Variants in RABGAP1L observed in about 807,000 individuals in gnomAD.
The protein encoded by RABGAP1L is RAB GTPase activating protein 1 like.
Under a neutral mutation model 137.7 loss-of-function variants are expected in RABGAP1L, and 63 were observed. That is an observed-to-expected ratio of 0.46 (90% CI 0.37 to 0.56). The LOEUF (loss-of-function observed/expected upper bound fraction) is 0.56. Ranked by LOEUF, RABGAP1L falls within the 20% of genes least tolerant of loss-of-function variation. The pLI is 0.00. For missense variants in RABGAP1L, 1,095 were observed against 1,244.0 expected (o/e 0.88, Z 1.80); for synonymous variants, 431 against 433.7 (o/e 0.99, Z 0.08).
At chr1:174,474,243 G>C (rs951940560) in intron 13 of RABGAP1L, among the ~76,000 whole-genome samples, 1 of 151,888 alleles carries the variant, frequency 6.6e-6, no homozygotes, top group East Asian at 1.9e-4. Context: ...TCTTAATTTC[G>C]AATGGTTCTC....
At chr1:174,576,946 G>A (rs1472548821) in intron 13 of RABGAP1L, among the ~76,000 whole-genome samples, 1 of 152,092 alleles carries the variant, frequency 6.6e-6, no homozygotes, top group East Asian at 1.9e-4. Context: ...GTTTTAGGAG[G>A]CTGAGGTGGG....
rs1486030705 is a variant in RABGAP1L, at chr1:174,634,924, C to A, written c.1711-2451C>A. Reference sequence around the variant, plus strand: ...GGGAGGGATAGCATTGGGAGATATACCTAATGCTAGATGACGAGTTAGTGG... The same window carrying A: ...GGGAGGGATAGCATTGGGAGATATAACTAATGCTAGATGACGAGTTAGTGG... On this transcript the variant is annotated intron_variant, in intron 13 of 25. Coordinates refer to ENST00000681986, the MANE Select transcript of RABGAP1L (RefSeq NM_001366446.1). Among the ~76,000 whole-genome samples, 9 of 144,328 alleles carry A rather than the reference C, an allele frequency of 6.2e-5. No individual in the cohort carries two copies. The East Asian group carries it at 1.8e-3, about 30-fold the overall frequency. The allele number at this position is 144,328 out of a possible 152,430, so 94.7% of individuals were successfully genotyped here. A position where few individuals can be genotyped will look rare whatever the true frequency, so the allele number is the denominator to read the frequency against.
intron 7 of RABGAP1L, among the ~76,000 whole-genome samples, chr1:174,261,185 G>T (rs534326519): frequency 6.6e-6 from 1 of 152,098 alleles, no homozygotes; most frequent in East Asian, 1.9e-4. Context: ...GATTAGAGTT[G>T]TTATAAGCAC....
rs539874012 is a variant in RABGAP1L, at chr1:174,612,820, C to T, written c.1711-24555C>T. ...GTGTCAAGGAATGTATCCATTTCTT[C>T]TAGATTTTCTAGTTTATTTGCGTAG... On this transcript the variant is annotated intron_variant, in intron 13 of 25. Transcript: ENST00000681986. Among the ~76,000 whole-genome samples the T allele has an allele frequency of 4.6e-5, 7 of 152,302 alleles. No individual in the cohort carries two copies. The South Asian group carries it at 1.5e-3, about 32-fold the overall frequency.
At chr1:174,378,677 T>C (rs1351537102) in intron 12 of RABGAP1L, among the ~76,000 whole-genome samples, 1 of 152,286 alleles carries the variant, frequency 6.6e-6, no homozygotes, top group Non-Finnish European at 1.5e-5. Context: ...TTGTAGATTC[T>C]GGATATCAGT....
chr1:174,630,806 G>A (rs1288411830), intron 13 of RABGAP1L, among the ~76,000 whole-genome samples: 76 of 142,220 alleles, frequency 5.3e-4, no homozygotes, highest in African/African-American at 1.9e-3. Context: ...AGTCTTGCTA[G>A]TGGTCTATCA....
intron 12 of RABGAP1L, among the ~76,000 whole-genome samples, chr1:174,388,668 G>T (rs753371715): frequency 6.6e-6 from 1 of 152,012 alleles, no homozygotes; most frequent in Non-Finnish European, 1.5e-5. Flanking sequence ...ACTGCTTCAG[G>T]TTTTGAGATG....
At chr1:174,514,564 A>G (rs1281830272) in intron 13 of RABGAP1L, among the ~76,000 whole-genome samples, 1 of 152,162 alleles carries the variant, frequency 6.6e-6, no homozygotes, top group Non-Finnish European at 1.5e-5. Flanking sequence ...ACCATTTGCT[A>G]AGTAGATGCA....
At chr1:174,284,110 G>T (rs1020932512) in intron 10 of RABGAP1L, among the ~76,000 whole-genome samples, 5 of 152,026 alleles carry the variant, frequency 3.3e-5, no homozygotes, top group African/African-American at 1.2e-4. Context: ...TTACCTTTTT[G>T]TGTGTGTGTA....
At chr1:174,604,174 C>G (rs1300256333) in intron 13 of RABGAP1L, among the ~76,000 whole-genome samples, 1 of 152,076 alleles carries the variant, frequency 6.6e-6, no homozygotes, top group African/African-American at 2.4e-5. Context: ...ATTTAGGACC[C>G]CAAAGCACTT....
chr1:174,982,339 G>C (rs767464106), intron 23 of RABGAP1L, among the ~76,000 whole-genome samples: 25 of 152,030 alleles, frequency 1.6e-4, no homozygotes, highest in Non-Finnish European at 3.1e-4. Flanking sequence ...CTATGACCAT[G>C]TGTTCTCATT....
intron 11 of RABGAP1L, among the ~76,000 whole-genome samples, chr1:174,305,531 C>T (rs910193609): frequency 1.1e-4 from 16 of 151,892 alleles, no homozygotes; most frequent in Non-Finnish European, 1.5e-4. Flanking sequence ...TACAGGTGTG[C>T]GCCACCATGC....
rs1281747677 is a variant in RABGAP1L at position 174,590,507 on chromosome 1, G to A, written c.1711-46868G>A. Among the ~76,000 whole-genome samples, 269 of 91,456 alleles carry A rather than the reference G, an allele frequency of 2.9e-3. 6 individuals carry two copies. The highest frequency in any genetic ancestry group is 0.01 in the African/African-American group (223 of 22,160). 60.0% of individuals were successfully genotyped at this position (91,456 alleles called of 152,430 possible). On this transcript the variant is annotated intron_variant, in intron 13 of 25. Coordinates refer to ENST00000681986, the MANE Select transcript of RABGAP1L (RefSeq NM_001366446.1). ...CAATGCTATCCCTCCCCCCTCCCCC[G>A]ACCCCACCACAGTCCCCAGAGTGTG...
At chr1:174,777,464 T>C (rs970783258) in intron 18 of RABGAP1L, among the ~76,000 whole-genome samples, 1 of 152,172 alleles carries the variant, frequency 6.6e-6, no homozygotes, top group Admixed American at 6.5e-5. Flanking sequence ...TCTGCAGACA[T>C]TGCCCAGTGT....
At chr1:174,472,638 G>T (rs2149310975) in intron 13 of RABGAP1L, among the ~76,000 whole-genome samples, 1 of 152,322 alleles carries the variant, frequency 6.6e-6, no homozygotes, top group East Asian at 1.9e-4. Flanking sequence ...CAAGTATCAA[G>T]TTGTGAAAGT....
intron 7 of RABGAP1L, among the ~76,000 whole-genome samples, chr1:174,261,373 T>C (rs375559817): frequency 5.3e-5 from 8 of 152,128 alleles, no homozygotes; most frequent in Admixed American, 4.6e-4. Flanking sequence ...ATTTGGAGAG[T>C]TCAGTGATGT....
chr1:174,562,286 A>T (rs1008969143), intron 13 of RABGAP1L, among the ~76,000 whole-genome samples: 6 of 152,258 alleles, frequency 3.9e-5, no homozygotes, highest in African/African-American at 1.4e-4. Flanking sequence ...GAGAAATGCA[A>T]ATCAAAACCA....
intron 13 of RABGAP1L, among the ~76,000 whole-genome samples, chr1:174,447,834 T>C (rs1654939207): frequency 6.6e-6 from 1 of 152,038 alleles, no homozygotes; most frequent in African/African-American, 2.4e-5. Context: ...AGGAAACTAA[T>C]TAGTGACCTC....
chr1:174,702,045 G>T, intron 16 of RABGAP1L, 68 bp from the exon 17 acceptor site: 2 of 1,447,416 alleles, frequency 1.4e-6, no homozygotes, highest in Non-Finnish European at 1.9e-6. Context: ...AGTTGCAGTT[G>T]TGGCAGGAAC....
Sources: gnomAD v4.1 joint callset for allele counts (sites outside exome capture counted in the v4.1 genomes callset) on GRCh38, gnomAD v4.1.1 for gene constraint, MANE v1.5 for transcripts, NCBI Gene and HGNC (gene_info 2026-07-23, HGNC 2026-07-21) for gene names.